The following GPC3 variants were observed in gnomAD, a reference collection of about 807,000 sequenced individuals.
GPC3 encodes the protein glypican-3.
GPC3 carries 3 observed loss-of-function variants against 34.4 expected under a neutral mutation model. The observed-to-expected ratio is 0.09, with a 90% CI of 0.04 to 0.23. The LOEUF is 0.23. GPC3 is among the 10% of genes least tolerant of loss of function. The probability of loss-of-function intolerance (pLI) is 1.00; values close to 1 mark genes in which losing one functional copy is unlikely to be tolerated. For synonymous variants in GPC3, 177 were observed against 174.0 expected (o/e 1.02, Z -0.13); for missense variants, 351 against 445.6 (o/e 0.79, Z 1.91).
chrX:133,869,819 G>T (rs1211148100), intron 2 of GPC3, among the ~76,000 whole-genome samples: 1 of 111,621 alleles, frequency 9.0e-6, no homozygotes, highest in Non-Finnish European at 1.9e-5. Flanking sequence ...GCCGGGCGCG[G>T]TGGTGGGCGC....
chrX:133,831,912 T>C (rs778147973), intron 2 of GPC3, among the ~76,000 whole-genome samples: 1 of 112,128 alleles, frequency 8.9e-6, no homozygotes, highest in East Asian at 2.8e-4. Flanking sequence ...TTCAGAATAA[T>C]CTTATGAAGT....
At chrX:133,791,882 CTTTCT>C (rs2072167944) in intron 2 of GPC3, among the ~76,000 whole-genome samples, 1 of 92,059 alleles carries the variant, frequency 1.1e-5, no homozygotes, top group African/African-American at 4.3e-5. Context: ...TCTTTTCTTT[CTTTCT>C]TTTTTTTTTT....
At position 133,954,437 on chromosome X, in the gene GPC3, C is replaced by T. The variant is rs142165795; in HGVS notation, c.176-1226G>A. Among the ~76,000 whole-genome samples the T allele has an allele frequency of 4.3e-3, 480 of 111,626 alleles. 3 individuals carry two copies. The highest frequency in any genetic ancestry group is 0.014 in the African/African-American group (441 of 30,731). On this transcript the variant is annotated intron_variant, in intron 1 of 7. Coordinates refer to ENST00000370818, the MANE Select transcript of GPC3 (RefSeq NM_004484.4). ...TTGCCCAGGCTGGAGTGCAGTGGCGCGATCTCAGCTCACTGCAACCTCCAC... is the reference window on the plus strand; with the variant it reads ...TTGCCCAGGCTGGAGTGCAGTGGCGTGATCTCAGCTCACTGCAACCTCCAC...
At chrX:133,763,279 C>A in intron 2 of GPC3, 3 of 559,120 alleles carry the variant, frequency 5.4e-6, no homozygotes, top group Non-Finnish European at 9.6e-6. Flanking sequence ...CATTACCATC[C>A]CATGCAACAA....
chrX:133,925,886 G>A (rs1009734386), intron 2 of GPC3, among the ~76,000 whole-genome samples: 14 of 111,570 alleles, frequency 1.3e-4, no homozygotes, highest in African/African-American at 4.6e-4. Flanking sequence ...CAACTGGTAT[G>A]GTAAAAGAGT....
At chrX:133,870,131 G>T (rs1016788732) in intron 2 of GPC3, among the ~76,000 whole-genome samples, 1 of 111,683 alleles carries the variant, frequency 9.0e-6, no homozygotes, top group African/African-American at 3.3e-5. Flanking sequence ...ATCTTTTGTT[G>T]CTGTTGTTAA....
At chrX:133,953,300 A>C (rs2076401634) in intron 1 of GPC3, 89 bp from the exon 2 acceptor site, 1 of 713,359 alleles carries the variant, frequency 1.4e-6, no homozygotes, top group South Asian at 2.2e-5. Flanking sequence ...CTACACACAC[A>C]CTCACACATG....
chrX:133,883,944 T>C (rs1372046746), intron 2 of GPC3, among the ~76,000 whole-genome samples: 3 of 112,256 alleles, frequency 2.7e-5, no homozygotes, highest in Non-Finnish European at 3.8e-5. Context: ...GAATGGTCTT[T>C]GAAATTTCTT....
Position 133,753,791 on chromosome X carries a change from G to A in GPC3, c.723C>T (p.Asn241=). ...QALNLGIEVI[N]TTDHLKFSKD... Reference sequence around the variant, plus strand: ...TACTGAACTTCAGGTGATCAGTTGTGTTGATCACTTCAATTCCAAGATTCA... The same window carrying A: ...TACTGAACTTCAGGTGATCAGTTGTATTGATCACTTCAATTCCAAGATTCA... The change falls in exon 3 of 8, where the codon AAC becomes AAT. Residue 241 remains asparagine, a synonymous_variant. Transcript: ENST00000370818. 8.3e-7 allele frequency: 1 copy of A among 1,210,811 alleles called. No homozygotes were observed. The highest frequency in any genetic ancestry group is 1.1e-6 in the Non-Finnish European group (1 of 894,534).
chrX:133,902,685 T>G (rs1044257513), intron 2 of GPC3, among the ~76,000 whole-genome samples: 1 of 111,623 alleles, frequency 9.0e-6, no homozygotes. Context: ...ATTGCACCAC[T>G]GCAACCCAAC....
chrX:133,677,956 G>C (rs762577725), intron 5 of GPC3, among the ~76,000 whole-genome samples: 1 of 111,339 alleles, frequency 9.0e-6, no homozygotes, highest in East Asian at 2.8e-4. Context: ...CTGACGTCAG[G>C]ATTTCCACCA....
intron 6 of GPC3, among the ~76,000 whole-genome samples, chrX:133,625,092 A>G (rs2070284740): frequency 8.9e-6 from 1 of 111,969 alleles, no homozygotes; most frequent in African/African-American, 3.2e-5. Context: ...AGACGCAGAA[A>G]AGGCCTTTGA....
chrX:133,589,339 T>C (rs1281528917), intron 7 of GPC3, among the ~76,000 whole-genome samples: 1 of 111,424 alleles, frequency 9.0e-6, no homozygotes, highest in African/African-American at 3.3e-5. Context: ...TGGTAGTGAA[T>C]AAGTCTCATG....
chrX:133,875,105 T>C (rs1290863870), intron 2 of GPC3, among the ~76,000 whole-genome samples: 4 of 112,102 alleles, frequency 3.6e-5, no homozygotes, highest in Non-Finnish European at 7.5e-5. Context: ...CTACATCATT[T>C]AACTAGAGAG....
At chrX:133,609,924 T>C (rs1490738151) in intron 6 of GPC3, among the ~76,000 whole-genome samples, 1 of 112,383 alleles carries the variant, frequency 8.9e-6, no homozygotes, top group African/African-American at 3.2e-5. Context: ...ATTTCACTTC[T>C]CTGAAATAAG....
intron 2 of GPC3, among the ~76,000 whole-genome samples, chrX:133,841,929 A>G (rs764086621): frequency 6.7e-4 from 75 of 112,324 alleles, no homozygotes; most frequent in African/African-American, 2.3e-3. Context: ...TCAGACCCCA[A>G]GTTCTTCAGT....
At chrX:133,794,374 G>A (rs1157424913) in intron 2 of GPC3, among the ~76,000 whole-genome samples, 1 of 111,929 alleles carries the variant, frequency 8.9e-6, no homozygotes, top group African/African-American at 3.2e-5. Flanking sequence ...GAATGTCCCT[G>A]AGCACAAAGG....
intron 7 of GPC3, among the ~76,000 whole-genome samples, chrX:133,540,894 C>G (rs1242088914): frequency 1.0e-5 from 1 of 100,023 alleles, no homozygotes; most frequent in Non-Finnish European, 2.0e-5. Flanking sequence ...GTAGGAGGAG[C>G]CACAGAATGG....
intron 6 of GPC3, among the ~76,000 whole-genome samples, chrX:133,617,474 T>C (rs1446541780): frequency 1.8e-5 from 2 of 111,977 alleles, no homozygotes; most frequent in Non-Finnish European, 3.8e-5. Flanking sequence ...CAAAAGTAAT[T>C]GTGGGATATT....
Sources: allele counts gnomAD v4.1 joint callset (sites outside exome capture counted in the v4.1 genomes callset), GRCh38; gene constraint gnomAD v4.1.1; transcripts MANE v1.5; gene names NCBI Gene and HGNC (gene_info 2026-07-23, HGNC 2026-07-21).